GRHL2: variants seen among roughly 807,000 people sequenced by gnomAD.
The protein encoded by GRHL2 is grainyhead-like protein 2 homolog.
GRHL2 carries 21 observed loss-of-function variants against 83.8 expected under a neutral mutation model. The observed-to-expected ratio is 0.25, with a 90% CI of 0.18 to 0.36. GRHL2 has a LOEUF of 0.36. Among genes scored for constraint, GRHL2 ranks in the 10% least tolerant of loss-of-function variants. The probability of loss-of-function intolerance (pLI) is 1.00; values close to 1 mark genes in which losing one functional copy is unlikely to be tolerated. For synonymous variants in GRHL2, 280 were observed against 278.9 expected (o/e 1.00, Z -0.04); for missense variants, 623 against 781.8 (o/e 0.80, Z 2.42).
downstream of GRHL2, among the ~76,000 whole-genome samples, chr8:101,673,505 T>A (rs1341475117): frequency 7.6e-6 from 1 of 131,098 alleles, no homozygotes; most frequent in Non-Finnish European, 1.6e-5. Flanking sequence ...GAGCTAACTA[T>A]CCTAAATATA....
chr8:101,535,627 C>T (rs1043205687), intron 1 of GRHL2, among the ~76,000 whole-genome samples: 2 of 152,144 alleles, frequency 1.3e-5, no homozygotes, highest in East Asian at 1.9e-4. Flanking sequence ...CAGCCTCCGC[C>T]TCCCAGGTTC....
At chr8:101,596,373 A>T (rs1812391827) in intron 7 of GRHL2, among the ~76,000 whole-genome samples, 1 of 152,214 alleles carries the variant, frequency 6.6e-6, no homozygotes, top group Non-Finnish European at 1.5e-5. Flanking sequence ...CTTTGACAAA[A>T]TGAATTAAAA....
chr8:101,591,793 T>C (rs1812288611), intron 7 of GRHL2, among the ~76,000 whole-genome samples: 1 of 152,196 alleles, frequency 6.6e-6, no homozygotes, highest in Admixed American at 6.5e-5. Flanking sequence ...GGCATGAGCT[T>C]GTAAGTTCTC....
chr8:101,614,433 CAAGT>C (rs1334030368), intron 8 of GRHL2, among the ~76,000 whole-genome samples: 1 of 151,044 alleles, frequency 6.6e-6, no homozygotes, highest in East Asian at 1.9e-4. Flanking sequence ...TATAGGAAAA[CAAGT>C]AAGAGAGGTT....
chr8:101,543,182 T>A (rs1811190368), intron 1 of GRHL2, 59 bp from the exon 2 acceptor site: 3 of 1,199,024 alleles, frequency 2.5e-6, no homozygotes, highest in Admixed American at 1.7e-5. Context: ...TGTATATTAT[T>A]AGGGGTAAAA....
At chr8:101,511,260 A>C (rs1810458771) in intron 1 of GRHL2, among the ~76,000 whole-genome samples, 1 of 152,218 alleles carries the variant, frequency 6.6e-6, no homozygotes, top group Non-Finnish European at 1.5e-5. Flanking sequence ...CTAAAGGACA[A>C]ATTCATAGAA....
At chr8:101,614,485 G>C (rs533025069) in intron 8 of GRHL2, among the ~76,000 whole-genome samples, 1 of 144,168 alleles carries the variant, frequency 6.9e-6, no homozygotes, top group South Asian at 2.1e-4. Context: ...CTTTCTTAAC[G>C]CTTGGGAGAC....
At chr8:101,496,231 TTG>T (rs1034538885) in intron 1 of GRHL2, among the ~76,000 whole-genome samples, 21 of 152,250 alleles carry the variant, frequency 1.4e-4, no homozygotes, top group African/African-American at 4.6e-4. Flanking sequence ...TTCAGTCATT[TTG>T]TGTGTTTTTT....
At chr8:101,592,054 G>A (rs1183214891) in intron 7 of GRHL2, among the ~76,000 whole-genome samples, 1 of 150,698 alleles carries the variant, frequency 6.6e-6, no homozygotes, top group African/African-American at 2.4e-5. Context: ...ATTGACAGTT[G>A]ACGTAGGACC....
intron 14 of GRHL2, among the ~76,000 whole-genome samples, chr8:101,653,356 T>C (rs1191635797): frequency 1.3e-5 from 2 of 152,182 alleles, no homozygotes; most frequent in Non-Finnish European, 2.9e-5. Context: ...TCAAGAGATA[T>C]TATGCTTGAC....
At chr8:101,651,160 C>T (rs1009209452) in intron 14 of GRHL2, among the ~76,000 whole-genome samples, 1 of 152,206 alleles carries the variant, frequency 6.6e-6, no homozygotes, top group African/African-American at 2.4e-5. Context: ...GCTGGAAGCT[C>T]ATAAGCTGGA....
chr8:101,507,859 C>A (rs1020129511), intron 1 of GRHL2, among the ~76,000 whole-genome samples: 12 of 146,996 alleles, frequency 8.2e-5, no homozygotes, highest in Admixed American at 1.4e-4. Context: ...CTCACTGCAA[C>A]CTCCGTCTCC....
chr8:101,614,485 G>A (rs533025069), intron 8 of GRHL2, among the ~76,000 whole-genome samples: 5 of 144,168 alleles, frequency 3.5e-5, no homozygotes, highest in Non-Finnish European at 5.9e-5. Flanking sequence ...CTTTCTTAAC[G>A]CTTGGGAGAC....
rs1363786638 is a variant in GRHL2 at position 101,571,695 on chromosome 8, G to T, written c.734+1301G>T. Among the ~76,000 whole-genome samples the T allele has an allele frequency of 2.0e-5, 3 of 151,944 alleles. No individual in the cohort carries two copies. The East Asian group carries it at 5.8e-4, about 29-fold the overall frequency. On this transcript the variant is annotated intron_variant, in intron 5 of 15. Transcript: ENST00000646743. Reference sequence around the variant, plus strand: ...CTTGCCCCTTTGCTTTTACACATATGGCCCTTTTCCATTCTCCTGGTTTCC... The same window carrying T: ...CTTGCCCCTTTGCTTTTACACATATTGCCCTTTTCCATTCTCCTGGTTTCC...
chr8:101,556,929 A>T (rs1369671146), intron 3 of GRHL2, among the ~76,000 whole-genome samples: 1 of 151,938 alleles, frequency 6.6e-6, no homozygotes, highest in Non-Finnish European at 1.5e-5. Flanking sequence ...TTTGGTAAAA[A>T]TTTTCAAACA....
intron 15 of GRHL2, among the ~76,000 whole-genome samples, chr8:101,665,021 T>C (rs1349919215): frequency 6.6e-6 from 1 of 152,184 alleles, no homozygotes; most frequent in Non-Finnish European, 1.5e-5. Context: ...GTTCAGTAGG[T>C]TTGGGGTCCC....
At chr8:101,536,636 A>G (rs17397811) in intron 1 of GRHL2, among the ~76,000 whole-genome samples, 72,845 of 152,082 alleles carry the variant, frequency 0.48, 18,765 homozygotes, top group Non-Finnish European at 0.57. Context: ...TCAGAGTCTG[A>G]ATATTAAAAC....
chr8:101,618,711 A>G (rs1191576327), intron 8 of GRHL2, among the ~76,000 whole-genome samples: 1 of 152,112 alleles, frequency 6.6e-6, no homozygotes, highest in African/African-American at 2.4e-5. Context: ...TCCTCCAGGC[A>G]CTAGGTACCA....
rs542737110 is a variant in GRHL2 at position 101,644,874 on chromosome 8, G to T, written c.1612+649G>T. ...ATTTTTTTTTTTTTTTTGAGACAGG[G>T]TCTTGCTCTGTCACCCAGGAGGTAG... On this transcript the variant is annotated intron_variant, in intron 13 of 15. Coordinates refer to ENST00000646743, the MANE Select transcript of GRHL2 (RefSeq NM_024915.4). Among the ~76,000 whole-genome samples the T allele has an allele frequency of 1.3e-4, 20 of 151,234 alleles. No individual in the cohort carries two copies. The East Asian group carries it at 3.7e-3, about 28-fold the overall frequency.
Sources: allele counts gnomAD v4.1 joint callset (sites outside exome capture counted in the v4.1 genomes callset), GRCh38; gene constraint gnomAD v4.1.1; transcripts MANE v1.5; gene names NCBI Gene and HGNC (gene_info 2026-07-23, HGNC 2026-07-21).